DOCK8: variants seen among roughly 807,000 people sequenced by gnomAD.
DOCK8 encodes dedicator of cytokinesis 8, also known as dedicator of cytokinesis protein 8.
In DOCK8, 141 loss-of-function variants were observed where a neutral mutation model predicts 245.6. The observed-to-expected ratio is 0.57, with a 90% CI of 0.50 to 0.66. The LOEUF is 0.66. Among genes scored for constraint, DOCK8 ranks in the 30% least tolerant of loss-of-function variants. The pLI is 0.00. For synonymous variants in DOCK8, 1,168 were observed against 970.2 expected (o/e 1.20, Z -3.79); for missense variants, 2,965 against 2,603.4 (o/e 1.14, Z -3.02).
At chr9:345,955 G>A (rs1411551141) in intron 14 of DOCK8, among the ~76,000 whole-genome samples, 2 of 151,970 alleles carry the variant, frequency 1.3e-5, no homozygotes, top group Non-Finnish European at 2.9e-5. Flanking sequence ...TAACGATAGA[G>A]ACCAACTTCT....
At chr9:270,592 T>C (rs2048138504) in intron 1 of DOCK8, among the ~76,000 whole-genome samples, 1 of 152,234 alleles carries the variant, frequency 6.6e-6, no homozygotes, top group Non-Finnish European at 1.5e-5. Flanking sequence ...GGGTAGTTAA[T>C]AAGTATGCCC....
intron 4 of DOCK8, among the ~76,000 whole-genome samples, chr9:304,142 C>T (rs533337817): frequency 1.4e-4 from 21 of 152,274 alleles, no homozygotes; most frequent in Admixed American, 6.5e-4. Context: ...AACCATGTCC[C>T]GCCTGCTTTA....
At chr9:248,411 T>C (rs565997654) in intron 1 of DOCK8, among the ~76,000 whole-genome samples, 40 of 152,264 alleles carry the variant, frequency 2.6e-4, no homozygotes, top group African/African-American at 9.6e-4. Flanking sequence ...TCAAGTGTTC[T>C]CTTTCTTTTA....
At chr9:348,444 C>T (rs564174363) in intron 14 of DOCK8, among the ~76,000 whole-genome samples, 4 of 152,276 alleles carry the variant, frequency 2.6e-5, no homozygotes, top group East Asian at 1.9e-4. Context: ...CCATATAGAA[C>T]GGTCCTACCT....
chr9:355,205 T>C (rs866533160), intron 14 of DOCK8, among the ~76,000 whole-genome samples: 17,329 of 139,098 alleles, frequency 0.12, 1,725 homozygotes, highest in African/African-American at 0.25. Flanking sequence ...TTTTTTTTTT[T>C]TTTTTTTTTT....
chr9:449,991 G>T, intron 45 of DOCK8, 64 bp downstream of exon 45: 6 of 1,570,976 alleles, frequency 3.8e-6, no homozygotes, highest in South Asian at 1.1e-5. Context: ...TTATACGTCT[G>T]CACCCTTCTT....
At chr9:253,452 T>C (rs1380647177) in intron 1 of DOCK8, among the ~76,000 whole-genome samples, 1 of 152,174 alleles carries the variant, frequency 6.6e-6, no homozygotes, top group Non-Finnish European at 1.5e-5. Flanking sequence ...AAGCATAAAC[T>C]CAGTTCTCAT....
At chr9:357,831 C>A (rs2131079122) in intron 14 of DOCK8, among the ~76,000 whole-genome samples, 1 of 152,314 alleles carries the variant, frequency 6.6e-6, no homozygotes, top group East Asian at 1.9e-4. Context: ...CATGTTTTAC[C>A]TTCCATTTTT....
intron 40 of DOCK8, 144 bp downstream of exon 40, chr9:439,532 G>C (rs894823452): frequency 3.7e-6 from 4 of 1,081,304 alleles, no homozygotes; most frequent in Non-Finnish European, 4.0e-6. Flanking sequence ...GGATGGGCCC[G>C]GGGAGGACTT....
At chr9:325,868 T>G in intron 8 of DOCK8, 131 bp downstream of exon 8, 3 of 846,304 alleles carry the variant, frequency 3.5e-6, no homozygotes, top group Non-Finnish European at 5.8e-6. Context: ...ATGAGTCCAG[T>G]TCTGTTGCCT....
At chr9:461,963 ATTTTC>A (rs1470885738) in intron 46 of DOCK8, among the ~76,000 whole-genome samples, 1 of 128,734 alleles carries the variant, frequency 7.8e-6, no homozygotes, top group Non-Finnish European at 1.7e-5. Context: ...CCTTTTATTT[ATTTTC>A]TTTTTTTTTT....
At chr9:280,970 G>A (rs1452186145) in intron 2 of DOCK8, 2 of 152,216 alleles carry the variant, frequency 1.3e-5, no homozygotes, top group African/African-American at 4.8e-5. Flanking sequence ...TTTTTCAAAA[G>A]GGGTTGGGCA....
At chr9:408,592 A>G (rs534364063) in intron 28 of DOCK8, among the ~76,000 whole-genome samples, 1 of 152,374 alleles carries the variant, frequency 6.6e-6, no homozygotes, top group African/African-American at 2.4e-5. Context: ...GAAAGTTTGA[A>G]CACAAAGAAA....
At chr9:266,045 A>G (rs2048027987) in intron 1 of DOCK8, among the ~76,000 whole-genome samples, 1 of 152,198 alleles carries the variant, frequency 6.6e-6, no homozygotes, top group Admixed American at 6.5e-5. Context: ...GAGAATGAGA[A>G]AAACTGATGT....
intron 1 of DOCK8, among the ~76,000 whole-genome samples, chr9:225,684 C>T (rs1469788566): frequency 6.6e-6 from 1 of 151,986 alleles, no homozygotes; most frequent in Admixed American, 6.6e-5. Context: ...AGTAATATAC[C>T]AGTGGGGAGA....
intron 14 of DOCK8, among the ~76,000 whole-genome samples, chr9:354,837 C>G (rs1195239123): frequency 6.6e-6 from 1 of 152,178 alleles, no homozygotes; most frequent in African/African-American, 2.4e-5. Flanking sequence ...AGACAGAAAG[C>G]AAGACAGAGG....
intron 46 of DOCK8, among the ~76,000 whole-genome samples, chr9:453,239 C>A (rs1188018273): frequency 6.6e-6 from 1 of 152,140 alleles, no homozygotes; most frequent in Non-Finnish European, 1.5e-5. Context: ...GTTTGTGTGG[C>A]TTTGCGTGTT....
rs564497739 is a variant in DOCK8, at chr9:239,916, G to A, written c.53+24887G>A. Among the ~76,000 whole-genome samples the A allele has an allele frequency of 4.6e-5, 7 of 152,218 alleles. 1 individual carries two copies. In the South Asian group the frequency reaches 6.2e-4, roughly 14 times the overall value. On this transcript the variant is annotated intron_variant, in intron 1 of 47. Transcript: ENST00000432829. Reference sequence around the variant, plus strand: ...TAACATTCCATTGTAAGGATACAGCGTAATTTAACTCAGTCTGTATTGAGC... The same window carrying A: ...TAACATTCCATTGTAAGGATACAGCATAATTTAACTCAGTCTGTATTGAGC...
intron 1 of DOCK8, among the ~76,000 whole-genome samples, chr9:254,727 T>C (rs138120239): frequency 6.6e-6 from 1 of 152,322 alleles, no homozygotes; most frequent in Non-Finnish European, 1.5e-5. Context: ...GCACCAAGTA[T>C]GCATCACGAC....
Sources: gnomAD v4.1 joint callset for allele counts (sites outside exome capture counted in the v4.1 genomes callset) on GRCh38, gnomAD v4.1.1 for gene constraint, MANE v1.5 for transcripts, NCBI Gene and HGNC (gene_info 2026-07-23, HGNC 2026-07-21) for gene names.